TTN: variants seen among roughly 807,000 people sequenced by gnomAD.
TTN encodes titin.
In TTN, 1,525 loss-of-function variants were observed where a neutral mutation model predicts 3,223.0. The observed-to-expected ratio is 0.47, with a 90% CI of 0.45 to 0.49. TTN has a LOEUF of 0.49. Ranked by LOEUF, TTN falls within the 20% of genes least tolerant of loss-of-function variation. The pLI, the probability that TTN is intolerant of heterozygous loss-of-function variation, is 0.00. For missense variants in TTN, 40,786 were observed against 43,424.0 expected, an observed-to-expected ratio of 0.94 and a Z score of 5.40; for synonymous variants, 14,094 against 15,161.0, an observed-to-expected ratio of 0.93 and a Z score of 5.17.
chr2:178,717,077 C>G lies in TTN; in HGVS notation c.25639+18G>C, dbSNP rs2077595772. 6.3e-7 allele frequency: 1 copy of G among 1,591,068 alleles called. No individual in the cohort carries two copies. The highest frequency in any genetic ancestry group is 1.3e-5 in the African/African-American group (1 of 74,270). On this transcript the variant is annotated intron_variant, in intron 88 of 362. Coordinates refer to ENST00000589042, the MANE Select transcript of TTN (RefSeq NM_001267550.2). ...TGAAAATGTAAAAGAGATCTTGCTC[C>G]TTCACTCTAACAAGTACCTTGTACA...
At chr2:178,682,925 G>C (rs2069824594) in intron 134 of TTN, 22 bp from the exon 135 acceptor site, 4 of 1,563,504 alleles carry the variant, frequency 2.6e-6, no homozygotes, top group Non-Finnish European at 3.5e-6. Context: ...TTAACAACAG[G>C]CAGCACTTTA....
In TTN at chr2:178,566,929, G is replaced by A. The variant is rs1022970267; in HGVS notation, c.79203C>T (p.Asp26401=). 6.2e-6 allele frequency: 10 copies of A among 1,613,594 alleles called. No individual in the cohort carries two copies. Among genetic ancestry groups the A allele is most frequent in the South Asian group, 1.1e-5 (1 of 91,080 alleles). ...GACGGTTCCAACAGACGGTCATGGA[G>A]TCTTTGGCAATATTTGTGACTTCCA... ...KSLEVTNIAK[D]SMTVCWNRPD... is the part of the protein sequence containing the mutation. The change falls in exon 326 of 363, where the codon GAC becomes GAT. Residue 26401 remains aspartate (D), a synonymous_variant. Transcript: ENST00000589042.
rs1000110389 is a variant in TTN at position 178,625,285 on chromosome 2, G to A, written c.44536C>T (p.Leu14846Phe). The A allele has an allele frequency of 6.2e-7, 1 of 1,605,764 alleles. No homozygotes were observed. Among genetic ancestry groups the A allele is most frequent in the Non-Finnish European group, 8.5e-7 (1 of 1,176,168 alleles). Residue 14846 changes from leucine to phenylalanine, a missense_variant, in exon 241 of 363, where the codon CTC (leucine) becomes TTC (phenylalanine). Leu to Phe is a conservative substitution (Grantham distance 22). Transcript: ENST00000589042. ...GCCTTGTAATTACCTTTCACAAAGA[G>A]GTTGGCGTGAGTTTTGAAATCTTTT... ...TAKDFKTHAN[L>F]FVKEPPVEFT...
At chr2:178,746,449 A>G (rs555278730) in intron 47 of TTN, 2 of 1,611,738 alleles carry the variant, frequency 1.2e-6, no homozygotes, top group South Asian at 2.2e-5. Flanking sequence ...CGTCTTTTTC[A>G]CTTAATTCAA....
chr2:178,694,194 C>T (rs1345937851), intron 117 of TTN, among the ~76,000 whole-genome samples, 186 bp from the exon 118 acceptor site: 2 of 152,198 alleles, frequency 1.3e-5, no homozygotes, highest in South Asian at 2.1e-4. Flanking sequence ...ACAATGCATG[C>T]AGCCTTCATC....
In TTN at chr2:178,719,588, G is replaced by A. The variant is rs776644453; in HGVS notation, c.23904C>T (p.Gly7968=). 29 of 1,611,600 alleles carry A rather than the reference G, an allele frequency of 1.8e-5. No homozygotes were observed. The highest frequency in any genetic ancestry group is 2.3e-5 in the Non-Finnish European group (27 of 1,178,162). The change falls in exon 82 of 363, where the codon GGC becomes GGT. Residue 7968 remains glycine (G), a synonymous_variant. Transcript: ENST00000589042. ...GGACGGATACAGTGCAGTTACTTTT[G>A]CCAACACTGTTTTTCACTTCAAAGC... ...LYSFEVKNSV[G]KSNCTVSVHV...
In TTN at chr2:178,746,657, C is replaced by T. The variant is rs567040247; in HGVS notation, c.11312-4736G>A. On this transcript the variant is annotated intron_variant, in intron 47 of 362. Coordinates refer to ENST00000589042, the MANE Select transcript of TTN (RefSeq NM_001267550.2). ...ATGACACATGTACTCTCCCCCTTCT[C>T]CTTTTTGAATGTTAGAAATTTCCAG... 8.7e-6 allele frequency: 14 copies of T among 1,613,174 alleles called. No individual in the cohort carries two copies. The highest frequency in any genetic ancestry group is 1.1e-5 in the Non-Finnish European group (13 of 1,179,548).
chr2:178,747,808 T>G (rs1221356959), intron 47 of TTN: 2 of 1,612,606 alleles, frequency 1.2e-6, no homozygotes, highest in Non-Finnish European at 1.7e-6. Flanking sequence ...CATTCTGAAC[T>G]TGAACTTCTT....
chr2:178,800,326 C>T (rs369264190), intron 4 of TTN, 69 bp downstream of exon 4: 53 of 1,597,328 alleles, frequency 3.3e-5, no homozygotes, highest in East Asian at 3.1e-4. Context: ...GGCAAGTGGA[C>T]GCTTGGCCCC....
chr2:178,631,608 ATTC>A (rs1208346534), intron 236 of TTN, among the ~76,000 whole-genome samples: 2 of 152,216 alleles, frequency 1.3e-5, no homozygotes, highest in Non-Finnish European at 2.9e-5. Flanking sequence ...TAAATTTCTA[ATTC>A]TTAGCAACTC....
rs917984063 is a variant in TTN at position 178,568,592 on chromosome 2, G to A, written c.77540C>T (p.Thr25847Ile). The change falls in exon 326 of 363, where the codon ACC (threonine) becomes ATC (isoleucine). Residue 25847 changes from threonine to isoleucine, a missense_variant. Thr to Ile is a moderately conservative substitution (Grantham distance 89). Transcript: ENST00000589042. The stretch of plus-strand genomic sequence containing the variant: ...GAGTGTGGTGAGATCCAGTGAATCG[G>A]TAACATTGATTCTTGTGGTCTGCTT... ...PLKQTTRINVTDSLDLTTLSI... is the reference protein window; with the variant it reads ...PLKQTTRINVIDSLDLTTLSI... The A allele has an allele frequency of 8.7e-6, 14 of 1,613,294 alleles. No individual in the cohort carries two copies. The highest frequency in any genetic ancestry group is 2.2e-5 in the East Asian group (1 of 44,848).
At chr2:178,801,588 G>GGTA (rs2094065210) in intron 3 of TTN, among the ~76,000 whole-genome samples, 1 of 152,156 alleles carries the variant, frequency 6.6e-6, no homozygotes. Context: ...TGTCTCACTA[G>GGTA]GTAGTAAAGG....
At chr2:178,800,709 G>C in intron 3 of TTN, 27 bp from the exon 4 acceptor site, 3 of 1,594,626 alleles carry the variant, frequency 1.9e-6, no homozygotes, top group Non-Finnish European at 2.6e-6. Context: ...ACAAAGTCAA[G>C]AGTGAGAGCC....
Position 178,734,746 on chromosome 2 carries a change from C to G in TTN, c.15178G>C (p.Val5060Leu), listed in dbSNP as rs72648929. ...TCAGTACTGCAGCTATCACTGCCGACGTCATTCACTGCTTCACATGAGTAA... is the reference window on the plus strand; with the variant it reads ...TCAGTACTGCAGCTATCACTGCCGAGGTCATTCACTGCTTCACATGAGTAA... ...GSYSCEAVND[V>L]GSDSCSTEIV... The change falls in exon 51 of 363, where the codon GTC (valine) becomes CTC (leucine). Residue 5060 changes from valine to leucine, a missense_variant. Physicochemically the swap from Val to Leu is conservative, Grantham distance 32. Coordinates refer to ENST00000589042, the MANE Select transcript of TTN (RefSeq NM_001267550.2). 3.2e-3 allele frequency: 5,128 copies of G among 1,613,234 alleles called. 20 individuals are homozygous for G. The highest frequency in any genetic ancestry group is 9.4e-3 in the Middle Eastern group (57 of 6,054).
At position 178,550,075 on chromosome 2, in the gene TTN, T is replaced by C. The variant is rs756837722; in HGVS notation, c.91763A>G (p.Asp30588Gly). The change falls in exon 337 of 363, where the codon GAT (aspartate) becomes GGT (glycine). Residue 30588 changes from aspartate (D) to glycine (G), a missense_variant. Transcript: ENST00000589042. ...TACACCACGATGGTCCCGAGTAGCA[T>C]CTCTAACAAATAGGCTGGTGGATCC... ...VLGSTSLFVRDATRDHRGVYT... is the reference protein window; with the variant it reads ...VLGSTSLFVRGATRDHRGVYT... 5 of 1,613,682 alleles carry C rather than the reference T, an allele frequency of 3.1e-6. No homozygotes were observed. In the South Asian group the frequency reaches 4.4e-5, roughly 14 times the overall value.
At chr2:178,741,959 T>C in intron 47 of TTN, 38 bp from the exon 48 acceptor site, 1 of 1,304,952 alleles carries the variant, frequency 7.7e-7, no homozygotes. Context: ...TACTATAAAA[T>C]TTTATTTAAT....
intron 170 of TTN, 54 bp from the exon 171 acceptor site, chr2:178,663,764 A>C: frequency 6.2e-7 from 1 of 1,612,306 alleles, no homozygotes; most frequent in Admixed American, 1.7e-5. Context: ...CACTGGAAAA[A>C]ATATCTTCAA....
chr2:178,534,798 G>T lies in TTN; in HGVS notation c.101817C>A (p.Asp33939Glu). The T allele has an allele frequency of 6.2e-7, 1 of 1,611,958 alleles. No individual in the cohort carries two copies. Among genetic ancestry groups the T allele is most frequent in the South Asian group, 1.1e-5 (1 of 91,070 alleles). The change falls in exon 358 of 363, where the codon GAC becomes GAA. Residue 33939 changes from aspartate (D) to glutamate (E), a missense_variant. Asp to Glu is a conservative substitution (Grantham distance 45, BLOSUM62 2). Transcript: ENST00000589042. ...FLHSHNIGHF[D>E]IRPENIIYQT... ...GGTAAATGATATTTTCTGGTCTAAT[G>T]TCAAAGTGTCCAATATTATGACTGT...
Position 178,528,310 on chromosome 2 carries a change from C to T in TTN, c.107341G>A (p.Gly35781Ser). The change falls in exon 361 of 363, where the codon GGC becomes AGC. Residue 35781 changes from glycine to serine, a missense_variant. Physicochemically the swap from Gly to Ser is moderately conservative, Grantham distance 56 (BLOSUM62 0). Transcript: ENST00000589042. Reference sequence around the variant, plus strand: ...AAGGAAGCTGTAGCTGAACACTGGCCACGGAAATTTTTGGCCTTAATTGTG... The same window carrying T: ...AAGGAAGCTGTAGCTGAACACTGGCTACGGAAATTTTTGGCCTTAATTGTG... ...KYTIKAKNFRGQCSATASLMV... is the reference protein window; with the variant it reads ...KYTIKAKNFRSQCSATASLMV... 1 of 1,613,816 alleles carries T rather than the reference C, an allele frequency of 6.2e-7. No homozygotes were observed. The highest frequency in any genetic ancestry group is 8.5e-7 in the Non-Finnish European group (1 of 1,179,828).
Sources: allele counts gnomAD v4.1 joint callset (sites outside exome capture counted in the v4.1 genomes callset), GRCh38; gene constraint gnomAD v4.1.1; transcripts MANE v1.5; gene names NCBI Gene and HGNC (gene_info 2026-07-23, HGNC 2026-07-21).